DCC: variants seen among roughly 807,000 people sequenced by gnomAD.
DCC encodes netrin receptor DCC.
Under a neutral mutation model 172.5 loss-of-function variants are expected in DCC, and 58 were observed. That is an observed-to-expected ratio of 0.34 (90% CI 0.27 to 0.42). The LOEUF is 0.42. Ranked by LOEUF, DCC falls within the 10% of genes least tolerant of loss-of-function variation. The probability of loss-of-function intolerance (pLI) is 1.00; values close to 1 mark genes in which losing one functional copy is unlikely to be tolerated. For synonymous variants in DCC, 709 were observed against 644.5 expected (o/e 1.10, Z -1.52); for missense variants, 1,740 against 1,791.0 (o/e 0.97, Z 0.51).
intron 5 of DCC, among the ~76,000 whole-genome samples, chr18:53,037,942 A>T (rs1477881267): frequency 6.6e-6 from 1 of 152,052 alleles, no homozygotes; most frequent in Non-Finnish European, 1.5e-5. Context: ...AAGAGTAAAA[A>T]TAAGCAAATG....
chr18:53,065,452 C>A (rs1437414970), intron 6 of DCC, among the ~76,000 whole-genome samples: 1 of 152,124 alleles, frequency 6.6e-6, no homozygotes, highest in African/African-American at 2.4e-5. Context: ...TGAAACATTT[C>A]AGCCATACAA....
At chr18:53,136,139 GTGTGTGTA>G (rs1290316628) in intron 7 of DCC, among the ~76,000 whole-genome samples, 1 of 151,762 alleles carries the variant, frequency 6.6e-6, no homozygotes, top group Admixed American at 6.6e-5. Flanking sequence ...AATTGGATGT[GTGTGTGTA>G]TGTGTGTATG....
intron 5 of DCC, among the ~76,000 whole-genome samples, chr18:52,962,951 G>A (rs1359643420): frequency 8.2e-6 from 1 of 121,588 alleles, no homozygotes; most frequent in Non-Finnish European, 1.6e-5. Flanking sequence ...TCTAGGGACT[G>A]TTGTGGGGTG....
intron 3 of DCC, among the ~76,000 whole-genome samples, chr18:52,919,858 A>G (rs189939489): frequency 3.3e-5 from 5 of 152,148 alleles, no homozygotes; most frequent in African/African-American, 1.2e-4. Flanking sequence ...AACAGTCAAG[A>G]TAGTGTGGTA....
intron 12 of DCC, among the ~76,000 whole-genome samples, chr18:53,245,720 G>C (rs1046076878): frequency 6.6e-6 from 1 of 152,046 alleles, no homozygotes; most frequent in African/African-American, 2.4e-5. Flanking sequence ...AGATTTAACA[G>C]TAATCCTTGT....
At chr18:52,844,753 C>A (rs912214447) in intron 2 of DCC, among the ~76,000 whole-genome samples, 2 of 152,090 alleles carry the variant, frequency 1.3e-5, no homozygotes, top group Non-Finnish European at 2.9e-5. Flanking sequence ...TATATTGCTT[C>A]TTTTATTCAT....
At chr18:53,123,633 C>G (rs2043514701) in intron 7 of DCC, among the ~76,000 whole-genome samples, 1 of 152,016 alleles carries the variant, frequency 6.6e-6, no homozygotes, top group African/African-American at 2.4e-5. Context: ...CTTGTGAAGT[C>G]ATTTTCTGTT....
At chr18:52,744,394 A>G (rs577244033) in intron 1 of DCC, among the ~76,000 whole-genome samples, 1 of 152,236 alleles carries the variant, frequency 6.6e-6, no homozygotes, top group Non-Finnish European at 1.5e-5. Flanking sequence ...TAAAATGTAT[A>G]TGTTTTCTTT....
rs952327744 is a variant in DCC, at chr18:52,340,209, C to G, written c.-579C>G. On this transcript the variant is annotated 5_prime_UTR_variant, in exon 1 of 29. Coordinates refer to ENST00000442544, the MANE Select transcript of DCC (RefSeq NM_005215.4). Reference sequence around the variant, plus strand: ...CAACTCCCAGCTCGCACACCGCTGGCGGACACCCCAGTAACAAGTGAGAGC... The same window carrying G: ...CAACTCCCAGCTCGCACACCGCTGGGGGACACCCCAGTAACAAGTGAGAGC... 2.3e-5 allele frequency: 4 copies of G among 173,300 alleles called. No homozygotes were observed. The highest frequency in any genetic ancestry group is 1.6e-4 in the Admixed American group (3 of 18,420). The allele number at this position is 173,300 out of a possible 1,614,324, so 10.7% of individuals were successfully genotyped here.
chr18:52,953,613 G>T (rs1568208514), intron 5 of DCC, among the ~76,000 whole-genome samples: 1 of 152,204 alleles, frequency 6.6e-6, no homozygotes, highest in Non-Finnish European at 1.5e-5. Flanking sequence ...TGAACAAATG[G>T]TTCTGGCTGG....
intron 25 of DCC, among the ~76,000 whole-genome samples, chr18:53,482,538 A>C (rs2045845715): frequency 1.3e-5 from 2 of 152,090 alleles, no homozygotes; most frequent in African/African-American, 4.8e-5. Context: ...TCTCTCTCCA[A>C]ATTTGTTTGG....
intron 1 of DCC, among the ~76,000 whole-genome samples, chr18:52,378,139 G>C (rs1305203422): frequency 6.6e-6 from 1 of 152,030 alleles, no homozygotes; most frequent in Non-Finnish European, 1.5e-5. Context: ...AGATTAACTA[G>C]GGACTCCAGG....
intron 1 of DCC, among the ~76,000 whole-genome samples, chr18:52,395,039 A>T (rs936044867): frequency 6.6e-6 from 1 of 152,188 alleles, no homozygotes; most frequent in Middle Eastern, 3.4e-3. Context: ...GGGGAAAAAC[A>T]GTACCCTGTA....
chr18:53,180,207 C>T (rs2055173460), intron 9 of DCC, among the ~76,000 whole-genome samples: 1 of 152,154 alleles, frequency 6.6e-6, no homozygotes, highest in African/African-American at 2.4e-5. Context: ...ACAGAATCTC[C>T]ATCCTTTCTT....
At chr18:52,666,027 G>A (rs1490954065) in intron 1 of DCC, among the ~76,000 whole-genome samples, 4 of 152,180 alleles carry the variant, frequency 2.6e-5, no homozygotes, top group African/African-American at 4.8e-5. Context: ...GCCGGGTGCC[G>A]TGACTCATGC....
intron 2 of DCC, among the ~76,000 whole-genome samples, chr18:52,895,566 A>G: frequency 6.6e-6 from 1 of 152,204 alleles, no homozygotes; most frequent in East Asian, 1.9e-4. Context: ...TGAGCAATAT[A>G]ATTTTCGCTC....
chr18:52,946,680 C>T lies in DCC; in HGVS notation c.985+21310C>T, dbSNP rs1443933257. Among the ~76,000 whole-genome samples the T allele has an allele frequency of 2.6e-5, 4 of 152,160 alleles. No homozygotes were observed. The East Asian group carries it at 5.8e-4, about 22-fold the overall frequency. On this transcript the variant is annotated intron_variant, in intron 5 of 28. Transcript: ENST00000442544. ...ACAATGCAAACACATTTCAGCTCTT[C>T]TTACATTCCATCTGCAAACATCCAC...
intron 1 of DCC, among the ~76,000 whole-genome samples, chr18:52,595,026 G>A (rs2033876622): frequency 6.6e-6 from 1 of 152,158 alleles, no homozygotes; most frequent in South Asian, 2.1e-4. Context: ...GAAGGATCAA[G>A]GGAGAGAAGT....
chr18:53,120,837 A>G (rs2043472898), intron 7 of DCC, among the ~76,000 whole-genome samples: 1 of 151,864 alleles, frequency 6.6e-6, no homozygotes, highest in Admixed American at 6.6e-5. Flanking sequence ...TTACAGTTAG[A>G]ATGTTAAAAG....
Sources: gnomAD v4.1 joint callset for allele counts (sites outside exome capture counted in the v4.1 genomes callset) on GRCh38, gnomAD v4.1.1 for gene constraint, MANE v1.5 for transcripts, NCBI Gene and HGNC (gene_info 2026-07-23, HGNC 2026-07-21) for gene names.